Variants in GULP1 observed in about 807,000 individuals in gnomAD.
GULP1 encodes GULP PTB domain containing engulfment adaptor 1.
Under a neutral mutation model 40.9 loss-of-function variants are expected in GULP1, and 19 were observed. The observed-to-expected ratio is 0.46, with a 90% CI of 0.32 to 0.68. The LOEUF (loss-of-function observed/expected upper bound fraction) is 0.68. Ranked by LOEUF, GULP1 falls within the 30% of genes least tolerant of loss-of-function variation. The pLI, the probability that GULP1 is intolerant of heterozygous loss-of-function variation, is 0.03. For synonymous variants in GULP1, 119 were observed against 117.6 expected (o/e 1.01, Z -0.08); for missense variants, 312 against 362.2 (o/e 0.86, Z 1.12).
intron 1 of GULP1, chr2:188,297,508 T>C: frequency 2.1e-6 from 1 of 483,612 alleles, no homozygotes; most frequent in Admixed American, 2.2e-5. Context: ...CCACCAGTCC[T>C]CCAGGAACAT....
At chr2:188,545,709 A>G (rs532222943) in intron 7 of GULP1, among the ~76,000 whole-genome samples, 4 of 152,046 alleles carry the variant, frequency 2.6e-5, no homozygotes, top group Non-Finnish European at 5.9e-5. Flanking sequence ...AGATTAAATA[A>G]TGTACTTAAG....
At chr2:188,485,251 G>C (rs955636933) in intron 4 of GULP1, among the ~76,000 whole-genome samples, 1 of 151,902 alleles carries the variant, frequency 6.6e-6, no homozygotes, top group Admixed American at 6.6e-5. Flanking sequence ...CATTCTGCTT[G>C]TCTACATGGA....
At chr2:188,342,050 T>C (rs2043042446) in intron 1 of GULP1, among the ~76,000 whole-genome samples, 1 of 152,216 alleles carries the variant, frequency 6.6e-6, no homozygotes. Context: ...AAAAGTCCAT[T>C]TTTAGAAGTA....
chr2:188,453,865 G>A (rs2059034451), intron 2 of GULP1, among the ~76,000 whole-genome samples: 1 of 152,216 alleles, frequency 6.6e-6, no homozygotes, highest in African/African-American at 2.4e-5. Flanking sequence ...TAGGTTACAT[G>A]TGTGAATTTT....
At chr2:188,334,348 TG>T (rs1322473022) in intron 1 of GULP1, among the ~76,000 whole-genome samples, 2 of 152,174 alleles carry the variant, frequency 1.3e-5, no homozygotes, top group Non-Finnish European at 2.9e-5. Flanking sequence ...AAGGAGGAAA[TG>T]GAGAGCCTAC....
At chr2:188,294,838 A>G (rs1229283452) in intron 1 of GULP1, among the ~76,000 whole-genome samples, 4 of 152,232 alleles carry the variant, frequency 2.6e-5, no homozygotes, top group African/African-American at 9.6e-5. Context: ...CATAAAGGTC[A>G]TAGGATTTCT....
At position 188,483,424 on chromosome 2, in the gene GULP1, A is replaced by C. The variant is rs1459860670; in HGVS notation, c.29-7A>C. 1 of 1,470,098 alleles carries C rather than the reference A, an allele frequency of 6.8e-7. No homozygotes were observed. Among genetic ancestry groups the C allele is most frequent in the South Asian group, 1.2e-5 (1 of 82,338 alleles). The allele number at this position is 1,470,098 out of a possible 1,614,324, so 91.1% of individuals were successfully genotyped here. ...TAAAATTTAACTCTGTGTATTTTTTATTGCAGACAAAACATGGATGCATAC... is the reference window on the plus strand; with the variant it reads ...TAAAATTTAACTCTGTGTATTTTTTCTTGCAGACAAAACATGGATGCATAC... On this transcript the variant is annotated splice_region_variant and splice_polypyrimidine_tract_variant and intron_variant, in intron 3 of 11. Transcript: ENST00000409830.
Position 188,569,285 on chromosome 2 carries a change from A to G in GULP1, c.446A>G (p.Tyr149Cys), listed in dbSNP as rs1282464649. Residue 149 changes from tyrosine (Y) to cysteine (C), a missense_variant, in exon 8 of 12, where the codon TAC becomes TGC. Transcript: ENST00000409830. ...ATTGGCCAAGCATTTGACCTGGCAT[A>G]CAGGAAATTTCTAGAATCAGGAGGA... ...LTIGQAFDLA[Y>C]RKFLESGGKD... 1.2e-6 allele frequency: 2 copies of G among 1,604,854 alleles called. No homozygotes were observed. The highest frequency in any genetic ancestry group is 1.3e-5 in the African/African-American group (1 of 74,892).
At chr2:188,566,748 T>C (rs1697782776) in intron 7 of GULP1, among the ~76,000 whole-genome samples, 1 of 137,206 alleles carries the variant, frequency 7.3e-6, no homozygotes, top group Admixed American at 8.1e-5. Flanking sequence ...TGAGCTGAGA[T>C]TGCGCCACTG....
chr2:188,409,690 A>C (rs919876167), intron 2 of GULP1, among the ~76,000 whole-genome samples: 2 of 152,192 alleles, frequency 1.3e-5, no homozygotes, highest in Non-Finnish European at 2.9e-5. Context: ...CCTGATGTAC[A>C]TGGATGTAAA....
At chr2:188,467,667 C>T (rs1272543246) in intron 2 of GULP1, among the ~76,000 whole-genome samples, 1 of 152,004 alleles carries the variant, frequency 6.6e-6, no homozygotes, top group African/African-American at 2.4e-5. Context: ...TAATATTTTC[C>T]ATGTGGTTCA....
chr2:188,494,790 C>G (rs752343037), intron 4 of GULP1, among the ~76,000 whole-genome samples: 6 of 151,864 alleles, frequency 4.0e-5, no homozygotes, highest in African/African-American at 7.3e-5. Context: ...CTTATATGTT[C>G]TTTTTTTTCT....
chr2:188,429,777 C>G (rs986746943), intron 2 of GULP1, among the ~76,000 whole-genome samples: 1 of 151,778 alleles, frequency 6.6e-6, no homozygotes, highest in African/African-American at 2.4e-5. Context: ...GGCGCGATCT[C>G]TGCTCATTGC....
intron 1 of GULP1, among the ~76,000 whole-genome samples, chr2:188,352,825 A>T (rs1249936089): frequency 1.3e-5 from 2 of 152,188 alleles, no homozygotes; most frequent in African/African-American, 4.8e-5. Flanking sequence ...AAAATTCTAG[A>T]TTCATTATAC....
intron 2 of GULP1, among the ~76,000 whole-genome samples, chr2:188,474,619 G>C (rs567718416): frequency 1.3e-5 from 2 of 152,288 alleles, no homozygotes; most frequent in Admixed American, 1.3e-4. Flanking sequence ...TGGTGATTCA[G>C]AACTGTTCCT....
chr2:188,549,053 G>C (rs1351712739), intron 7 of GULP1, among the ~76,000 whole-genome samples: 1 of 151,806 alleles, frequency 6.6e-6, no homozygotes, highest in African/African-American at 2.4e-5. Flanking sequence ...TAGGAAAAGA[G>C]TTCTTAGAAT....
intron 7 of GULP1, among the ~76,000 whole-genome samples, chr2:188,553,472 T>C (rs1205420444): frequency 6.6e-6 from 1 of 152,074 alleles, no homozygotes; most frequent in Non-Finnish European, 1.5e-5. Flanking sequence ...CTTTACTGAT[T>C]TGTATATGTT....
chr2:188,351,648 T>G (rs2044462452), intron 1 of GULP1, among the ~76,000 whole-genome samples: 1 of 152,156 alleles, frequency 6.6e-6, no homozygotes, highest in South Asian at 2.1e-4. Flanking sequence ...TATTAAAAAT[T>G]TACATGAATG....
At chr2:188,322,243 A>C in intron 1 of GULP1, among the ~76,000 whole-genome samples, 1 of 152,060 alleles carries the variant, frequency 6.6e-6, no homozygotes, top group East Asian at 1.9e-4. Flanking sequence ...AGTGTTCTCT[A>C]TACAGTGTAT....
Sources: allele counts gnomAD v4.1 joint callset (sites outside exome capture counted in the v4.1 genomes callset), GRCh38; gene constraint gnomAD v4.1.1; transcripts MANE v1.5; gene names NCBI Gene and HGNC (gene_info 2026-07-23, HGNC 2026-07-21).